BBS7: variants seen among roughly 807,000 people sequenced by gnomAD.
The protein encoded by BBS7 is BBSome complex member BBS7.
Under a neutral mutation model 90.3 loss-of-function variants are expected in BBS7, and 50 were observed. The observed-to-expected ratio is 0.55, with a 90% CI of 0.44 to 0.70. BBS7 has a LOEUF of 0.70. Ranked by LOEUF, BBS7 falls within the 30% of genes least tolerant of loss-of-function variation. The pLI is 0.00. For missense variants in BBS7, 729 were observed against 838.9 expected (o/e 0.87, Z 1.62); for synonymous variants, 235 against 287.4 (o/e 0.82, Z 1.85).
chr4:121,829,488 G>A (rs949688990), intron 15 of BBS7, among the ~76,000 whole-genome samples: 5 of 152,098 alleles, frequency 3.3e-5, no homozygotes, highest in African/African-American at 1.2e-4. Flanking sequence ...CGCCCACCTT[G>A]GCCTCCCAAA....
intron 14 of BBS7, among the ~76,000 whole-genome samples, chr4:121,834,534 C>T (rs1169494274): frequency 1.3e-5 from 2 of 152,104 alleles, no homozygotes; most frequent in African/African-American, 4.8e-5. Flanking sequence ...CTTTTCTAAG[C>T]CTCCATTTCT....
chr4:121,844,132 T>G (rs965133479), intron 11 of BBS7, 131 bp from the exon 12 acceptor site: 1 of 633,474 alleles, frequency 1.6e-6, no homozygotes. Flanking sequence ...ATGAATTCTC[T>G]TAACTTATAC....
Position 121,863,092 on chromosome 4 carries a change from A to C in BBS7, c.165+125T>G, listed in dbSNP as rs1727071586. ...TACCCGCAGACTCATATCTCACATA[A>C]CTACTTACCTCAGAACCCATTTTCC... On this transcript the variant is annotated intron_variant, in intron 3 of 18. Coordinates refer to ENST00000264499, the MANE Select transcript of BBS7 (RefSeq NM_176824.3). 4 of 879,458 alleles carry C rather than the reference A, an allele frequency of 4.5e-6. No individual in the cohort carries two copies. The East Asian group carries it at 9.8e-5, about 21-fold the overall frequency. The allele number at this position is 879,458 out of a possible 1,614,324, so 54.5% of individuals were successfully genotyped here. A position where few individuals can be genotyped will look rare whatever the true frequency, so the allele number is the denominator to read the frequency against.
chr4:121,840,542 G>C (rs1217319062), intron 12 of BBS7, among the ~76,000 whole-genome samples: 1 of 152,172 alleles, frequency 6.6e-6, no homozygotes, highest in Admixed American at 6.5e-5. Context: ...TACTGTAAGT[G>C]CTTAATACAT....
At chr4:121,855,889 CAT>C (rs202064011) in intron 5 of BBS7, among the ~76,000 whole-genome samples, 1 of 141,994 alleles carries the variant, frequency 7.0e-6, no homozygotes, top group African/African-American at 2.8e-5. Context: ...CATATATGTA[CAT>C]ACATGTATGT....
Position 121,856,423 on chromosome 4 carries a change from C to T in BBS7, c.529-862G>A, listed in dbSNP as rs150441504. ...TCCATGATCTATAATTCAATGAATACAAAATTTGCAAAATGGGGTGTGGTG... is the reference window on the plus strand; with the variant it reads ...TCCATGATCTATAATTCAATGAATATAAAATTTGCAAAATGGGGTGTGGTG... On this transcript the variant is annotated intron_variant, in intron 5 of 18. Transcript: ENST00000264499. Among the ~76,000 whole-genome samples the T allele has an allele frequency of 3.7e-4, 57 of 152,194 alleles. 1 individual carries two copies. The East Asian group carries it at 9.7e-3, about 26-fold the overall frequency.
chr4:121,833,211 C>T lies in BBS7; in HGVS notation c.1676+20G>A. 6.2e-7 allele frequency: 1 copy of T among 1,611,292 alleles called. No individual in the cohort carries two copies. ...TTTATATAAAACAACACTTGTGAAC[C>T]AGTAATAAGTTAGATTTACCTGTAG... On this transcript the variant is annotated intron_variant, in intron 15 of 18. Coordinates refer to ENST00000264499, the MANE Select transcript of BBS7 (RefSeq NM_176824.3).
chr4:121,858,895 C>T (rs1322058847), intron 5 of BBS7, 97 bp downstream of exon 5: 2 of 1,218,344 alleles, frequency 1.6e-6, no homozygotes, highest in East Asian at 5.0e-5. Flanking sequence ...TATAAAAGCC[C>T]TTAAAACAGT....
At chr4:121,829,158 A>G in intron 15 of BBS7, among the ~76,000 whole-genome samples, 1 of 152,176 alleles carries the variant, frequency 6.6e-6, no homozygotes, top group East Asian at 1.9e-4. Context: ...TCTGATATCA[A>G]ATATGAAAGA....
At chr4:121,855,179 G>A (rs1183132163) in intron 6 of BBS7, among the ~76,000 whole-genome samples, 1 of 151,930 alleles carries the variant, frequency 6.6e-6, no homozygotes, top group Non-Finnish European at 1.5e-5. Context: ...GCCGGGCATG[G>A]TGGTGTGCGC....
chr4:121,849,772 G>C (rs1479836392), intron 8 of BBS7, among the ~76,000 whole-genome samples: 1 of 152,196 alleles, frequency 6.6e-6, no homozygotes, highest in South Asian at 2.1e-4. Context: ...GGAGGTTGCA[G>C]TGAGCTGAGA....
rs1257012888 is a variant in BBS7, at chr4:121,855,531, G to A, written c.559C>T (p.Pro187Ser). 3.1e-6 allele frequency: 5 copies of A among 1,613,504 alleles called. No homozygotes were observed. Among genetic ancestry groups the A allele is most frequent in the African/African-American group, 1.3e-5 (1 of 74,868 alleles). The change falls in exon 6 of 19, where the codon CCT becomes TCT. Residue 187 changes from proline to serine, a missense_variant. Coordinates refer to ENST00000264499, the MANE Select transcript of BBS7 (RefSeq NM_176824.3). ...GSDVMYAVEV[P>S]GPPTVLALHN... The stretch of plus-strand genomic sequence containing the variant: ...AGTGCTAAGACAGTAGGGGGTCCAG[G>A]AACTTCAACTGCATACATCACATCA...
chr4:121,833,383 T>C lies in BBS7; in HGVS notation c.1524A>G (p.Thr508=). The C allele has an allele frequency of 6.2e-7, 1 of 1,613,982 alleles. No individual in the cohort carries two copies. Among genetic ancestry groups the C allele is most frequent in the Non-Finnish European group, 8.5e-7 (1 of 1,179,908 alleles). ...AACTGAACTGGCCTGTTAGGGTCAG[T>C]GTATTCATGGGTCTGTAATATAATA... ...HFIDHDRPMN[T]LTLTGQFSFA... is the part of the protein sequence containing the mutation. Residue 508 remains threonine (T), a synonymous_variant, in exon 15 of 19, where the codon ACA becomes ACG. Transcript: ENST00000264499.
chr4:121,853,341 A>G (rs1191678511), intron 7 of BBS7, among the ~76,000 whole-genome samples: 1 of 152,000 alleles, frequency 6.6e-6, no homozygotes, highest in African/African-American at 2.4e-5. Context: ...TATATATTCA[A>G]TTTGGTATCT....
intron 5 of BBS7, among the ~76,000 whole-genome samples, chr4:121,855,874 A>T (rs1196078074): frequency 7.0e-6 from 1 of 143,612 alleles, no homozygotes; most frequent in African/African-American, 2.8e-5. Context: ...ATATATGTAT[A>T]TGTACATATA....
chr4:121,868,864 T>C (rs950753094), intron 1 of BBS7, among the ~76,000 whole-genome samples: 12 of 151,882 alleles, frequency 7.9e-5, no homozygotes, highest in African/African-American at 2.7e-4. Flanking sequence ...ATGGGACCAA[T>C]GGGAGAGGAA....
At chr4:121,848,732 A>AG (rs1726144008) in intron 9 of BBS7, 112 bp downstream of exon 9, 2 of 814,808 alleles carry the variant, frequency 2.5e-6, no homozygotes, top group Middle Eastern at 2.8e-4. Context: ...CCCATGAATA[A>AG]GGGGGGACTA....
intron 2 of BBS7, among the ~76,000 whole-genome samples, chr4:121,864,200 G>A (rs1031961870): frequency 2.0e-5 from 3 of 152,174 alleles, no homozygotes; most frequent in African/African-American, 7.2e-5. Context: ...GGTTCCTGGT[G>A]CTAAAAAACT....
chr4:121,855,281 C>G, intron 6 of BBS7: 1 of 527,522 alleles, frequency 1.9e-6, no homozygotes, highest in Non-Finnish European at 3.5e-6. Context: ...GCACGCCAGC[C>G]TGGGAGACAG....
Sources: gnomAD v4.1 joint callset for allele counts (sites outside exome capture counted in the v4.1 genomes callset) on GRCh38, gnomAD v4.1.1 for gene constraint, MANE v1.5 for transcripts, NCBI Gene and HGNC (gene_info 2026-07-23, HGNC 2026-07-21) for gene names.